The following SPATA6L variants were observed in gnomAD, a reference collection of about 807,000 sequenced individuals.
SPATA6L encodes the protein spermatogenesis associated 6-like protein.
A neutral mutation model predicts 49.2 loss-of-function variants in SPATA6L; 68 were observed. The observed-to-expected ratio is 1.38, with a 90% CI of 1.14 to 1.69. The LOEUF is 1.69. Ranked by LOEUF, SPATA6L falls within the 40% of genes most tolerant of loss-of-function variation. The probability of loss-of-function intolerance (pLI) is 0.00; values close to 1 mark genes in which losing one functional copy is unlikely to be tolerated. For missense variants in SPATA6L, 668 were observed against 464.3 expected, an observed-to-expected ratio of 1.44 and a Z score of -4.03; for synonymous variants, 198 against 165.7, an observed-to-expected ratio of 1.19 and a Z score of -1.50.
chr9:4,632,897 A>G (rs1564228201), intron 4 of SPATA6L: 1 of 152,246 alleles, frequency 6.6e-6, no homozygotes, highest in Non-Finnish European at 1.5e-5. Flanking sequence ...AATAATACTT[A>G]CTTACTTGTG....
At chr9:4,644,702 C>A (rs1834948480) in intron 3 of SPATA6L, among the ~76,000 whole-genome samples, 2 of 151,662 alleles carry the variant, frequency 1.3e-5, no homozygotes, top group South Asian at 4.2e-4. Context: ...CACACACACA[C>A]ACACACACAC....
intron 9 of SPATA6L, among the ~76,000 whole-genome samples, chr9:4,606,824 C>T (rs934075398): frequency 6.7e-6 from 1 of 148,166 alleles, no homozygotes; most frequent in African/African-American, 2.6e-5. Flanking sequence ...GAGAAGAAGG[C>T]TTCAGACGAT....
chr9:4,666,366 AGTCCCACGCCCTTGTTCCCCTACC>A lies in SPATA6L; in HGVS notation c.-140_-117del. On this transcript the variant is annotated 5_prime_UTR_variant, in exon 1 of 12. Transcript: ENST00000682582. Reference sequence around the variant, plus strand: ...AGCAAATGTTCCCAGAAGCTTCCCCAGTCCCACGCCCTTGTTCCCCTACCGTCCCCCCCAGCCCAGGTCCCTCCC... The same window carrying A: ...AGCAAATGTTCCCAGAAGCTTCCCCAGTCCCCCCCAGCCCAGGTCCCTCCC... The A allele has an allele frequency of 1.8e-6, 2 of 1,101,588 alleles. No individual in the cohort carries two copies. Among genetic ancestry groups the A allele is most frequent in the South Asian group, 2.6e-5 (2 of 75,706 alleles). 68.2% of individuals were successfully genotyped at this position (1,101,588 alleles called of 1,614,324 possible).
chr9:4,655,555 GT>G (rs57237870), intron 3 of SPATA6L, among the ~76,000 whole-genome samples: 8,329 of 145,724 alleles, frequency 0.057, 492 homozygotes, highest in African/African-American at 0.14. Context: ...TTTTTTTGTT[GT>G]TTTTTTTTTT....
At chr9:4,634,556 C>T (rs868067945) in intron 4 of SPATA6L, among the ~76,000 whole-genome samples, 3 of 152,214 alleles carry the variant, frequency 2.0e-5, no homozygotes, top group Middle Eastern at 6.8e-3. Context: ...GAAACAATAA[C>T]AAATTATATT....
At chr9:4,627,116 C>T (rs1401727413) in intron 5 of SPATA6L, 2 of 151,314 alleles carry the variant, frequency 1.3e-5, no homozygotes, top group Non-Finnish European at 2.9e-5. Flanking sequence ...AATCCCAACA[C>T]GTAGGGAGGC....
intron 11 of SPATA6L, among the ~76,000 whole-genome samples, chr9:4,602,679 C>A (rs140279576): frequency 6.6e-6 from 1 of 152,296 alleles, no homozygotes; most frequent in Non-Finnish European, 1.5e-5. Flanking sequence ...CCCACGAACT[C>A]TGCTTGGGTT....
intron 4 of SPATA6L, among the ~76,000 whole-genome samples, chr9:4,631,660 A>C (rs931187713): frequency 6.6e-6 from 1 of 152,254 alleles, no homozygotes; most frequent in Non-Finnish European, 1.5e-5. Context: ...TTATTAATCA[A>C]TTGATAAATT....
chr9:4,656,155 A>T, intron 2 of SPATA6L, 66 bp from the exon 3 acceptor site: 4 of 1,362,048 alleles, frequency 2.9e-6, no homozygotes, highest in Non-Finnish European at 3.1e-6. Context: ...AGAAACTGTA[A>T]ATGCCAGGTG....
chr9:4,616,114 TA>T (rs1827927278), intron 9 of SPATA6L, among the ~76,000 whole-genome samples: 1 of 151,974 alleles, frequency 6.6e-6, no homozygotes, highest in East Asian at 1.9e-4. Context: ...TTTACAAAAA[TA>T]AAAATATGAA....
intron 3 of SPATA6L, among the ~76,000 whole-genome samples, chr9:4,649,784 G>C (rs1268517244): frequency 6.6e-6 from 1 of 152,182 alleles, no homozygotes; most frequent in Non-Finnish European, 1.5e-5. Context: ...CCTAGAGAAT[G>C]GTTGTTATGT....
intron 2 of SPATA6L, among the ~76,000 whole-genome samples, chr9:4,660,016 T>C (rs1395388398): frequency 1.3e-5 from 2 of 152,202 alleles, no homozygotes; most frequent in African/African-American, 4.8e-5. Context: ...TTACACCTTA[T>C]ACAAAAATTA....
intron 3 of SPATA6L, among the ~76,000 whole-genome samples, chr9:4,645,482 G>A (rs539706641): frequency 6.6e-6 from 1 of 152,276 alleles, no homozygotes; most frequent in East Asian, 1.9e-4. Flanking sequence ...AGGTGACACA[G>A]GGAATCACAT....
rs79392745 is a variant in SPATA6L at position 4,652,841 on chromosome 9, CAAAAAAAAAA to C, written c.226+3190_226+3199del. ...AGGCAACAAGAGTGAAATTCCGTCC[CAAAAAAAAAA>C]AAAAAAAAGGAAAAAGAAATGTAAA... is the stretch of plus-strand genomic sequence containing the variant. On this transcript the variant is annotated intron_variant, in intron 3 of 11. Transcript: ENST00000682582. Among the ~76,000 whole-genome samples, 4 of 56,572 alleles carry C rather than the reference CAAAAAAAAAA, an allele frequency of 7.1e-5. No homozygotes were observed. In the East Asian group the frequency reaches 2.3e-3, roughly 32 times the overall value. The allele number at this position is 56,572 out of a possible 152,430, so 37.1% of individuals were successfully genotyped here. A position where few individuals can be genotyped will look rare whatever the true frequency, so the allele number is the denominator to read the frequency against.
chr9:4,659,146 C>G (rs1454965805), intron 2 of SPATA6L, among the ~76,000 whole-genome samples: 1 of 152,170 alleles, frequency 6.6e-6, no homozygotes, highest in South Asian at 2.1e-4. Context: ...TCTCTCCTCA[C>G]TTATCCAGCC....
chr9:4,606,403 A>G (rs1400860326), intron 9 of SPATA6L, among the ~76,000 whole-genome samples: 1 of 101,534 alleles, frequency 9.8e-6, no homozygotes, highest in African/African-American at 4.4e-5. Flanking sequence ...TCCCTGTCTG[A>G]CAGCTTTGAA....
downstream of SPATA6L, among the ~76,000 whole-genome samples, chr9:4,594,699 T>C (rs977045347): frequency 2.0e-5 from 3 of 152,192 alleles, no homozygotes; most frequent in African/African-American, 7.2e-5. Context: ...TGCCTCTTTG[T>C]GAAGCGAGTG....
intron 4 of SPATA6L, among the ~76,000 whole-genome samples, chr9:4,635,056 G>A (rs964030269): frequency 7.2e-5 from 11 of 152,140 alleles, no homozygotes; most frequent in African/African-American, 2.4e-4. Flanking sequence ...ATGTAAATAT[G>A]GCAATGATTT....
Position 4,622,521 on chromosome 9 carries a change from AG to A in SPATA6L, c.670-12del, listed in dbSNP as rs749032796. ...CTTTGCACTGTCCACCTGAAAGTAA[AG>A]GAAAGAAATAAGACTAGAATCCACT... On this transcript the variant is annotated splice_polypyrimidine_tract_variant and intron_variant, in intron 6 of 11. Coordinates refer to ENST00000682582, the MANE Select transcript of SPATA6L (RefSeq NM_001353486.2). 6.3e-7 allele frequency: 1 copy of A among 1,583,596 alleles called. No homozygotes were observed. The highest frequency in any genetic ancestry group is 1.7e-5 in the Admixed American group (1 of 59,170).
Sources: gnomAD v4.1 joint callset for allele counts (sites outside exome capture counted in the v4.1 genomes callset) on GRCh38, gnomAD v4.1.1 for gene constraint, MANE v1.5 for transcripts, NCBI Gene and HGNC (gene_info 2026-07-23, HGNC 2026-07-21) for gene names.